The following GTF2B variants were observed in gnomAD, a reference collection of about 807,000 sequenced individuals.
GTF2B encodes the protein transcription initiation factor IIB.
GTF2B carries 20 observed loss-of-function variants against 34.6 expected under a neutral mutation model. The ratio of observed to expected loss-of-function variants is 0.58; its 90% CI spans 0.41 to 0.84. GTF2B has a LOEUF of 0.84. Among genes scored for constraint, GTF2B ranks in the 40% least tolerant of loss-of-function variants. GTF2B has a pLI of 0.00. For synonymous variants in GTF2B, 142 were observed against 132.4 expected (o/e 1.07, Z -0.50); for missense variants, 237 against 393.3 (o/e 0.60, Z 3.36).
At chr1:88,884,400 T>C (rs1416053626) in intron 2 of GTF2B, among the ~76,000 whole-genome samples, 1 of 152,092 alleles carries the variant, frequency 6.6e-6, no homozygotes, top group Non-Finnish European at 1.5e-5. Context: ...CAAGGAAAAA[T>C]ATACCTGAGC....
At position 88,874,497 on chromosome 1, in the gene GTF2B, A is replaced by AT. The variant is rs56331310; in HGVS notation, c.125-10384dup. On this transcript the variant is annotated intron_variant, in intron 2 of 6. Coordinates refer to ENST00000370500, the MANE Select transcript of GTF2B (RefSeq NM_001514.6). ...TGCGCCACCACACACAGCTAATTAA[A>AT]TTTTTTTTTTTTTTTTTTTTTTTTT... 6.7e-3 allele frequency among the ~76,000 whole-genome samples: 563 copies of AT among 83,570 alleles called. 12 individuals carry two copies. Among genetic ancestry groups the AT allele is most frequent in the African/African-American group, 0.024 (527 of 22,042 alleles). 54.8% of individuals were successfully genotyped at this position (83,570 alleles called of 152,430 possible).
chr1:88,885,766 A>C (rs1170836112), intron 2 of GTF2B, among the ~76,000 whole-genome samples: 1 of 152,242 alleles, frequency 6.6e-6, no homozygotes, highest in Non-Finnish European at 1.5e-5. Flanking sequence ...ACAAACGAAG[A>C]AAAACTTTAT....
At chr1:88,856,659 T>G in intron 6 of GTF2B, among the ~76,000 whole-genome samples, 1 of 152,184 alleles carries the variant, frequency 6.6e-6, no homozygotes, top group East Asian at 1.9e-4. Context: ...GAATAAAAGA[T>G]GTACAAACTA....
At position 88,864,124 on chromosome 1, in the gene GTF2B, T is replaced by G; in HGVS notation, c.125-10A>C. 1 of 1,613,550 alleles carries G rather than the reference T, an allele frequency of 6.2e-7. No homozygotes were observed. ...TCAATAACCCGGTCACCTAAGAATATAAGCACATATCTGAATCATTTTGTC... is the reference window on the plus strand; with the variant it reads ...TCAATAACCCGGTCACCTAAGAATAGAAGCACATATCTGAATCATTTTGTC... On this transcript the variant is annotated splice_polypyrimidine_tract_variant and intron_variant, in intron 2 of 6. Transcript: ENST00000370500.
intron 6 of GTF2B, 39 bp downstream of exon 6, chr1:88,857,167 T>C: frequency 6.4e-7 from 1 of 1,555,606 alleles, no homozygotes; most frequent in African/African-American, 1.4e-5. Context: ...ATGCTGCAAA[T>C]TTCAGTTTAC....
At position 88,866,916 on chromosome 1, in the gene GTF2B, G is replaced by A. The variant is rs186077584; in HGVS notation, c.125-2802C>T. On this transcript the variant is annotated intron_variant, in intron 2 of 6. Transcript: ENST00000370500. ...ACATCACACATTGAGCAGGTGGCCCGAAACAAGGAGAAAAGCGTTAGATGG... is the reference window on the plus strand; with the variant it reads ...ACATCACACATTGAGCAGGTGGCCCAAAACAAGGAGAAAAGCGTTAGATGG... 6.6e-5 allele frequency among the ~76,000 whole-genome samples: 10 copies of A among 152,292 alleles called. No homozygotes were observed. In the East Asian group the frequency reaches 1.3e-3, roughly 21 times the overall value.
intron 5 of GTF2B, 105 bp downstream of exon 5, chr1:88,859,777 A>G (rs908011743): frequency 4.4e-6 from 4 of 917,912 alleles, no homozygotes; most frequent in Non-Finnish European, 6.7e-6. Context: ...CAGAGGTTGC[A>G]GTGAGTCAAG....
rs893223541 is a variant in GTF2B, at chr1:88,852,702, T to C, written c.*511A>G. ...CAAGGCCCAAGCTCATCACTTCTTG[T>C]TTAATAATATACATAATAAATCTCA... On this transcript the variant is annotated 3_prime_UTR_variant, in exon 7 of 7. Coordinates refer to ENST00000370500, the MANE Select transcript of GTF2B (RefSeq NM_001514.6). Among the ~76,000 whole-genome samples, 3 of 146,660 alleles carry C rather than the reference T, an allele frequency of 2.0e-5. No individual in the cohort carries two copies. Among genetic ancestry groups the C allele is most frequent in the Non-Finnish European group, 4.4e-5 (3 of 67,988 alleles).
chr1:88,876,281 C>A (rs529241396), intron 2 of GTF2B, among the ~76,000 whole-genome samples: 33 of 152,130 alleles, frequency 2.2e-4, no homozygotes, highest in Non-Finnish European at 4.4e-4. Context: ...ATTAAATATA[C>A]CAGACCCACA....
chr1:88,871,601 C>A (rs1673694435), intron 2 of GTF2B, among the ~76,000 whole-genome samples: 1 of 152,196 alleles, frequency 6.6e-6, no homozygotes, highest in South Asian at 2.1e-4. Context: ...ACATCATATA[C>A]CCTCAAGGAG....
chr1:88,865,934 AG>A (rs1183892603), intron 2 of GTF2B, among the ~76,000 whole-genome samples: 4 of 152,254 alleles, frequency 2.6e-5, no homozygotes, highest in African/African-American at 7.2e-5. Flanking sequence ...GTATTTGATC[AG>A]GAGGACAGCA....
chr1:88,856,795 T>TA (rs1349061139), intron 6 of GTF2B, among the ~76,000 whole-genome samples: 1 of 139,338 alleles, frequency 7.2e-6, no homozygotes, highest in Admixed American at 7.8e-5. Context: ...AATGATGTCT[T>TA]AAACGTGGGT....
chr1:88,883,445 T>A (rs889734947), intron 2 of GTF2B, among the ~76,000 whole-genome samples: 1 of 152,120 alleles, frequency 6.6e-6, no homozygotes, highest in Non-Finnish European at 1.5e-5. Context: ...CTGAGCATGA[T>A]AGCTCACACC....
chr1:88,872,523 A>T lies in GTF2B; in HGVS notation c.125-8409T>A, dbSNP rs188244516. 2.0e-5 allele frequency among the ~76,000 whole-genome samples: 3 copies of T among 151,440 alleles called. No homozygotes were observed. In the East Asian group the frequency reaches 5.8e-4, roughly 29 times the overall value. ...ACTGGTTGGTTGCAAGTCTCTATTA[A>T]TATAATTTTTTAAATATTAAAAGGA... On this transcript the variant is annotated intron_variant, in intron 2 of 6. Coordinates refer to ENST00000370500, the MANE Select transcript of GTF2B (RefSeq NM_001514.6).
At chr1:88,877,355 G>C (rs1344854600) in intron 2 of GTF2B, among the ~76,000 whole-genome samples, 1 of 152,066 alleles carries the variant, frequency 6.6e-6, no homozygotes, top group African/African-American at 2.4e-5. Context: ...CAAAAAAGTG[G>C]CTTTAACTAG....
intron 2 of GTF2B, among the ~76,000 whole-genome samples, chr1:88,871,293 A>G (rs1673688652): frequency 6.6e-6 from 1 of 152,204 alleles, no homozygotes; most frequent in African/African-American, 2.4e-5. Context: ...ATCAAGTTAT[A>G]CTGGAGTAAC....
chr1:88,887,449 C>T (rs72724798), intron 1 of GTF2B, 82 bp from the exon 2 acceptor site: 15,042 of 840,078 alleles, frequency 0.018, 233 homozygotes, highest in South Asian at 0.019. Context: ...ATGGGGAAGA[C>T]AAAGATTGTG....
chr1:88,857,592 C>T (rs1477348546), intron 5 of GTF2B, 105 bp from the exon 6 acceptor site: 1 of 614,970 alleles, frequency 1.6e-6, no homozygotes, highest in Non-Finnish European at 2.8e-6. Flanking sequence ...AATTGTAAAA[C>T]ATTCAATCAT....
At chr1:88,882,038 C>CAT (rs1673957205) in intron 2 of GTF2B, among the ~76,000 whole-genome samples, 1 of 151,962 alleles carries the variant, frequency 6.6e-6, no homozygotes, top group African/African-American at 2.4e-5. Flanking sequence ...GGCCAGGTGC[C>CAT]ATAGCTCACG....
Sources: allele counts gnomAD v4.1 joint callset (sites outside exome capture counted in the v4.1 genomes callset), GRCh38; gene constraint gnomAD v4.1.1; transcripts MANE v1.5; gene names NCBI Gene and HGNC (gene_info 2026-07-23, HGNC 2026-07-21).